Variants in VPS37A observed in about 807,000 individuals in gnomAD.
VPS37A encodes the protein VPS37A subunit of ESCRT-I.
Under a neutral mutation model 49.8 loss-of-function variants are expected in VPS37A, and 30 were observed. The observed-to-expected ratio is 0.60, with a 90% CI of 0.45 to 0.82. The LOEUF is 0.82. VPS37A is among the 40% of genes least tolerant of loss of function. VPS37A has a pLI of 0.00. For missense variants in VPS37A, 593 were observed against 464.4 expected, an observed-to-expected ratio of 1.28 and a Z score of -2.55; for synonymous variants, 195 against 160.6, an observed-to-expected ratio of 1.21 and a Z score of -1.62.
At chr8:17,328,604 T>C in the VPS37A span, among the ~76,000 whole-genome samples, 1 of 151,878 alleles carries the variant, frequency 6.6e-6, no homozygotes, top group African/African-American at 2.4e-5. Flanking sequence ...TAAGGAAAAA[T>C]AGCTAATGCC....
Position 17,274,738 on chromosome 8 carries a change from A to G in VPS37A, c.422A>G (p.Tyr141Cys), listed in dbSNP as rs1434288883. 2 of 1,612,916 alleles carry G rather than the reference A, an allele frequency of 1.2e-6. No homozygotes were observed. Among genetic ancestry groups the G allele is most frequent in the East Asian group, 2.2e-5 (1 of 44,878 alleles). ...TCTTCTCTTTTTCTTTTCAGTCTAT[A>G]CAGTAACCCAAGTGGGATGTCTCCT... is the stretch of plus-strand genomic sequence containing the variant. Reference protein sequence around the residue: ...APTSTAFPYLYSNPSGMSPYA... With the variant: ...APTSTAFPYLCSNPSGMSPYA... Residue 141 changes from tyrosine (Y) to cysteine (C), a missense_variant, in exon 5 of 12, where the codon TAC (tyrosine) becomes TGC (cysteine). Physicochemically the swap from Tyr to Cys is radical, Grantham distance 194. Transcript: ENST00000324849.
the VPS37A span, among the ~76,000 whole-genome samples, chr8:17,324,879 CTG>C: frequency 6.6e-6 from 1 of 152,266 alleles, no homozygotes; most frequent in East Asian, 1.9e-4. Context: ...TGGTTAAAAA[CTG>C]AGACTACAGA....
At chr8:17,283,686 T>C (rs1327808511) in intron 9 of VPS37A, among the ~76,000 whole-genome samples, 2 of 152,216 alleles carry the variant, frequency 1.3e-5, no homozygotes, top group East Asian at 1.9e-4. Context: ...TTCTGGGCTG[T>C]CTATTCTGTT....
chr8:17,254,811 A>T (rs912778911), intron 1 of VPS37A, among the ~76,000 whole-genome samples: 4 of 152,176 alleles, frequency 2.6e-5, no homozygotes, highest in African/African-American at 9.7e-5. Flanking sequence ...ATGTATAACT[A>T]TTATGTATCC....
chr8:17,297,390 A>G lies in VPS37A; in HGVS notation c.*2404A>G, dbSNP rs535159789. On this transcript the variant is annotated 3_prime_UTR_variant, in exon 12 of 12. Coordinates refer to ENST00000324849, the MANE Select transcript of VPS37A (RefSeq NM_152415.3). ...AATAGAGGGTGCTTGACACATATAT[A>G]TGCTTAAATTGAAGGACAGCTCAGA... is the stretch of plus-strand genomic sequence containing the variant. 5.3e-5 allele frequency: 8 copies of G among 152,248 alleles called. No individual in the cohort carries two copies. In the East Asian group the frequency reaches 1.5e-3, roughly 29 times the overall value. 9.4% of individuals were successfully genotyped at this position (152,248 alleles called of 1,614,324 possible). A position where few individuals can be genotyped will look rare whatever the true frequency, so the allele number is the denominator to read the frequency against.
chr8:17,252,978 T>C (rs1812113775), intron 1 of VPS37A, among the ~76,000 whole-genome samples: 1 of 152,222 alleles, frequency 6.6e-6, no homozygotes, highest in African/African-American at 2.4e-5. Flanking sequence ...CATTAAATTA[T>C]ATTGTCTATT....
In VPS37A at chr8:17,295,224, A is replaced by G. The variant is rs945640552; in HGVS notation, c.*238A>G. 1.3e-5 allele frequency: 2 copies of G among 152,320 alleles called. No individual in the cohort carries two copies. The highest frequency in any genetic ancestry group is 2.4e-5 in the African/African-American group (1 of 41,140). 9.4% of individuals were successfully genotyped at this position (152,320 alleles called of 1,614,324 possible). A position where few individuals can be genotyped will look rare whatever the true frequency, so the allele number is the denominator to read the frequency against. Reference sequence around the variant, plus strand: ...TTATTTATTGTTGATAAATTGTATCATATTTAAGTTCCACTGCTGTTCCTC... The same window carrying G: ...TTATTTATTGTTGATAAATTGTATCGTATTTAAGTTCCACTGCTGTTCCTC... On this transcript the variant is annotated 3_prime_UTR_variant, in exon 12 of 12. Coordinates refer to ENST00000324849, the MANE Select transcript of VPS37A (RefSeq NM_152415.3).
At chr8:17,248,638 G>C (rs542965998) in intron 1 of VPS37A, among the ~76,000 whole-genome samples, 8 of 152,034 alleles carry the variant, frequency 5.3e-5, no homozygotes, top group Non-Finnish European at 1.0e-4. Flanking sequence ...AGATAATATC[G>C]AATAATTCTT....
At chr8:17,317,604 A>C in the VPS37A span, among the ~76,000 whole-genome samples, 4 of 152,264 alleles carry the variant, frequency 2.6e-5, no homozygotes, top group African/African-American at 7.2e-5. Flanking sequence ...CTCTTGTGGA[A>C]GTGTGGAAAG....
chr8:17,311,914 A>C, the VPS37A span: 1 of 331,210 alleles, frequency 3.0e-6, no homozygotes, highest in Non-Finnish European at 5.6e-6. Flanking sequence ...CGTCCTATGC[A>C]AACGGACCTT....
intron 6 of VPS37A, among the ~76,000 whole-genome samples, chr8:17,277,746 G>A (rs565767569): frequency 6.6e-6 from 1 of 151,396 alleles, no homozygotes; most frequent in Non-Finnish European, 1.5e-5. Context: ...TAATATTTTT[G>A]TGGGCAGTTT....
At chr8:17,306,534 G>C (rs1469746789), downstream of VPS37A, among the ~76,000 whole-genome samples, 3 of 152,148 alleles carry the variant, frequency 2.0e-5, no homozygotes, top group Non-Finnish European at 4.4e-5. Flanking sequence ...CTTTTCAAGA[G>C]CACATCAGAC....
the VPS37A span, among the ~76,000 whole-genome samples, chr8:17,313,600 C>T: frequency 6.6e-6 from 1 of 152,188 alleles, no homozygotes; most frequent in Non-Finnish European, 1.5e-5. Flanking sequence ...TTTCTACCTT[C>T]TCTGGTCACA....
chr8:17,318,380 C>T, the VPS37A span, among the ~76,000 whole-genome samples: 2 of 152,032 alleles, frequency 1.3e-5, no homozygotes. Flanking sequence ...CAGTGAACAG[C>T]GTTCATGATA....
In VPS37A at chr8:17,280,418, T is replaced by C; in HGVS notation, c.944T>C (p.Met315Thr). 6.2e-7 allele frequency: 1 copy of C among 1,608,856 alleles called. No individual in the cohort carries two copies. Among genetic ancestry groups the C allele is most frequent in the African/African-American group, 1.3e-5 (1 of 74,554 alleles). Residue 315 changes from methionine (M) to threonine (T), a missense_variant, in exon 9 of 12, where the codon ATG becomes ACG. By Grantham distance (81) the Met-to-Thr change is moderately conservative. Coordinates refer to ENST00000324849, the MANE Select transcript of VPS37A (RefSeq NM_152415.3). ...TQMKSTFEKK[M>T]QRQHELSESC... The stretch of plus-strand genomic sequence containing the variant: ...ATGAAGTCCACTTTCGAAAAGAAGA[T>C]GCAAAGGCAGCATGAACTTAGTGAG...
chr8:17,288,528 T>A (rs1312365253), intron 11 of VPS37A, among the ~76,000 whole-genome samples: 2 of 152,222 alleles, frequency 1.3e-5, no homozygotes, highest in Non-Finnish European at 2.9e-5. Flanking sequence ...GCTTCGTCTG[T>A]GTCCCTGCAA....
intron 9 of VPS37A, among the ~76,000 whole-genome samples, chr8:17,280,745 A>G (rs1373053447): frequency 6.6e-6 from 1 of 152,004 alleles, no homozygotes; most frequent in African/African-American, 2.4e-5. Flanking sequence ...AATAACAACA[A>G]AAACTTTCGA....
chr8:17,250,008 C>T (rs1811824194), intron 1 of VPS37A, among the ~76,000 whole-genome samples: 2 of 152,154 alleles, frequency 1.3e-5, no homozygotes, highest in Non-Finnish European at 2.9e-5. Flanking sequence ...CTTGGCTTCT[C>T]TGTATAACTT....
Position 17,276,405 on chromosome 8 carries a change from A to G in VPS37A, c.651A>G (p.Gln217=), listed in dbSNP as rs749744423. The G allele has an allele frequency of 3.7e-6, 6 of 1,611,746 alleles. No homozygotes were observed. The highest frequency in any genetic ancestry group is 2.7e-5 in the African/African-American group (2 of 74,790). ...PTVDASIPTS[Q]NGFGYKMPDV... is the part of the protein sequence containing the mutation. ...TTAAAACTTTTCTTTAGACAAGCCA[A>G]AATGGTTTTGGGTACAAGATGCCAG... The change falls in exon 6 of 12, where the codon CAA becomes CAG. Residue 217 remains glutamine, a synonymous_variant. Transcript: ENST00000324849.
Sources: gnomAD v4.1 joint callset for allele counts (sites outside exome capture counted in the v4.1 genomes callset) on GRCh38, gnomAD v4.1.1 for gene constraint, MANE v1.5 for transcripts, NCBI Gene and HGNC (gene_info 2026-07-23, HGNC 2026-07-21) for gene names.